The following CPXM2 variants were observed in gnomAD, a reference collection of about 807,000 sequenced individuals.
CPXM2 encodes carboxypeptidase X, M14 family member 2.
CPXM2 carries 66 observed loss-of-function variants against 86.1 expected under a neutral mutation model. The ratio of observed to expected loss-of-function variants is 0.77; its 90% CI spans 0.63 to 0.94. The LOEUF (loss-of-function observed/expected upper bound fraction) is 0.94, where lower values mean the gene tolerates loss of function less well. Ranked by LOEUF, CPXM2 falls within the 40% of genes least tolerant of loss-of-function variation. The pLI is 0.00. For synonymous variants in CPXM2, 388 were observed against 400.2 expected (o/e 0.97, Z 0.36); for missense variants, 948 against 1,026.3 (o/e 0.92, Z 1.04).
At chr10:123,747,585 G>A (rs1040362351) in intron 13 of CPXM2, among the ~76,000 whole-genome samples, 2 of 152,148 alleles carry the variant, frequency 1.3e-5, no homozygotes, top group African/African-American at 2.4e-5. Flanking sequence ...ATACATGGAC[G>A]CTGTGGGGCA....
At chr10:123,869,493 A>T (rs1944856009) in intron 2 of CPXM2, among the ~76,000 whole-genome samples, 1 of 152,246 alleles carries the variant, frequency 6.6e-6, no homozygotes, top group African/African-American at 2.4e-5. Context: ...TTAATTAGAA[A>T]TCAGAGATGT....
At chr10:123,796,668 A>G (rs1230024313) in intron 6 of CPXM2, among the ~76,000 whole-genome samples, 3 of 152,218 alleles carry the variant, frequency 2.0e-5, no homozygotes, top group African/African-American at 7.2e-5. Flanking sequence ...TCAAAAATAC[A>G]GGAAATGTAA....
At chr10:123,791,359 G>A (rs1847202953) in intron 6 of CPXM2, among the ~76,000 whole-genome samples, 1 of 152,244 alleles carries the variant, frequency 6.6e-6, no homozygotes, top group Non-Finnish European at 1.5e-5. Context: ...GGGGGCTGCA[G>A]TGAGCCAAGA....
At chr10:123,784,284 G>A (rs1197505447) in intron 6 of CPXM2, among the ~76,000 whole-genome samples, 1 of 152,172 alleles carries the variant, frequency 6.6e-6, no homozygotes, top group Non-Finnish European at 1.5e-5. Context: ...AGCTCTGAGA[G>A]AGACCTGGAA....
intron 2 of CPXM2, among the ~76,000 whole-genome samples, chr10:123,868,610 T>G (rs1944837995): frequency 6.6e-6 from 1 of 152,140 alleles, no homozygotes; most frequent in Non-Finnish European, 1.5e-5. Context: ...TGGAAGCCAC[T>G]ACCAGCTAAG....
intron 4 of CPXM2, among the ~76,000 whole-genome samples, chr10:123,812,503 A>G (rs1847714979): frequency 6.6e-6 from 1 of 152,206 alleles, no homozygotes; most frequent in African/African-American, 2.4e-5. Context: ...AATCTGGAAA[A>G]GGCACAGAGA....
intron 8 of CPXM2, among the ~76,000 whole-genome samples, chr10:123,768,964 T>C (rs1846562130): frequency 6.6e-6 from 1 of 152,212 alleles, no homozygotes. Context: ...GGGAATAATG[T>C]CCATTTTTAC....
intron 2 of CPXM2, among the ~76,000 whole-genome samples, chr10:123,935,325 G>A (rs184456422): frequency 4.6e-5 from 7 of 152,252 alleles, no homozygotes; most frequent in South Asian, 2.1e-4. Context: ...TTTCAATTGC[G>A]GCGGGGGTCA....
rs1295676520 is a variant in CPXM2, at chr10:123,757,273, C to T, written c.1857G>A (p.Glu619=). The T allele has an allele frequency of 3.7e-6, 6 of 1,613,736 alleles. No homozygotes were observed. The South Asian group carries it at 5.5e-5, about 15-fold the overall frequency. ...IYVGCDKYPH[E]SQLPEEWENN... ...TCTCCCACTCCTCGGGCAGCTGGCT[C>T]TCATGTGGGTATTTATCACAGCCCA... The change falls in exon 12 of 14, where the codon GAG becomes GAA. Residue 619 remains glutamate (E), a synonymous_variant. Transcript: ENST00000241305.
At chr10:123,942,432 C>T (rs562093963), upstream of CPXM2, among the ~76,000 whole-genome samples, 86 of 152,254 alleles carry the variant, frequency 5.6e-4, 1 homozygote, top group South Asian at 0.011. Flanking sequence ...AAGAAGCCAA[C>T]GAAAATCAAG....
chr10:123,872,586 A>G (rs1944912366), intron 2 of CPXM2, among the ~76,000 whole-genome samples: 1 of 152,242 alleles, frequency 6.6e-6, no homozygotes, highest in South Asian at 2.1e-4. Context: ...TATTTAAAAG[A>G]CAAAAGGCTG....
In CPXM2 at chr10:123,767,109, T is replaced by C; in HGVS notation, c.1343A>G (p.Asp448Gly). The change falls in exon 10 of 14, where the codon GAT (aspartate) becomes GGT (glycine). Residue 448 changes from aspartate to glycine, a missense_variant. Asp to Gly is a moderately conservative substitution (Grantham distance 94). Transcript: ENST00000241305. ...AAAGTTGTTGTTGATGTCAATTCCA[T>C]CGTGGGTCCAGCGTCCCAGGGACCA... Reference protein sequence around the residue: ...GGWSLGRWTHDGIDINNNFPD... With the variant: ...GGWSLGRWTHGGIDINNNFPD... 2 of 1,614,156 alleles carry C rather than the reference T, an allele frequency of 1.2e-6. No homozygotes were observed. The highest frequency in any genetic ancestry group is 1.7e-6 in the Non-Finnish European group (2 of 1,180,044).
At chr10:123,801,246 C>A (rs1649146) in intron 4 of CPXM2, among the ~76,000 whole-genome samples, 2 of 152,094 alleles carry the variant, frequency 1.3e-5, no homozygotes, top group East Asian at 1.9e-4. Flanking sequence ...CAAGACCTGA[C>A]GGTTTTGTAA....
chr10:123,787,326 C>T (rs1296279969), intron 6 of CPXM2, among the ~76,000 whole-genome samples: 1 of 152,122 alleles, frequency 6.6e-6, no homozygotes, highest in Non-Finnish European at 1.5e-5. Flanking sequence ...GTACCAGCAC[C>T]CACACCAGCC....
intron 4 of CPXM2, among the ~76,000 whole-genome samples, chr10:123,813,080 C>T (rs550885339): frequency 2.5e-4 from 38 of 152,300 alleles, no homozygotes; most frequent in African/African-American, 8.9e-4. Flanking sequence ...GAAAACGCCA[C>T]AACTACCTTT....
At chr10:123,856,858 C>A (rs1206539333) in intron 3 of CPXM2, among the ~76,000 whole-genome samples, 3 of 152,162 alleles carry the variant, frequency 2.0e-5, no homozygotes, top group South Asian at 2.1e-4. Flanking sequence ...TCCCAAAGTG[C>A]TGGGGTTACA....
At chr10:123,831,239 C>A (rs1848160373) in intron 4 of CPXM2, among the ~76,000 whole-genome samples, 1 of 152,122 alleles carries the variant, frequency 6.6e-6, no homozygotes, top group African/African-American at 2.4e-5. Flanking sequence ...CTAAAAGTAC[C>A]AAGGTACTGA....
At chr10:123,931,281 T>C (rs1382513424) in intron 2 of CPXM2, among the ~76,000 whole-genome samples, 1 of 152,206 alleles carries the variant, frequency 6.6e-6, no homozygotes, top group Non-Finnish European at 1.5e-5. Flanking sequence ...TCAGGTAACC[T>C]TCTCTGATTG....
At chr10:123,942,855 T>C (rs7919381), upstream of CPXM2, among the ~76,000 whole-genome samples, 85,765 of 152,092 alleles carry the variant, frequency 0.56, 24,914 homozygotes, top group African/African-American at 0.67. Context: ...TGGGAACCCC[T>C]GACGGACCAC....
Sources: allele counts gnomAD v4.1 joint callset (sites outside exome capture counted in the v4.1 genomes callset), GRCh38; gene constraint gnomAD v4.1.1; transcripts MANE v1.5; gene names NCBI Gene and HGNC (gene_info 2026-07-23, HGNC 2026-07-21).